SPACA7: variants seen among roughly 807,000 people sequenced by gnomAD.
SPACA7 encodes the protein sperm acrosome-associated protein 7.
Under a neutral mutation model 26.3 loss-of-function variants are expected in SPACA7, and 19 were observed. The observed-to-expected ratio is 0.72, with a 90% CI of 0.50 to 1.06. The LOEUF (loss-of-function observed/expected upper bound fraction) is 1.06, where lower values mean the gene tolerates loss of function less well. Ranked by LOEUF, SPACA7 falls within the 50% of genes least tolerant of loss-of-function variation. SPACA7 has a pLI of 0.00. For missense variants in SPACA7, 211 were observed against 229.9 expected (o/e 0.92, Z 0.53); for synonymous variants, 84 against 84.5 (o/e 0.99, Z 0.04).
At chr13:112,416,770 C>A (rs1886716720) in intron 5 of SPACA7, among the ~76,000 whole-genome samples, 1 of 151,660 alleles carries the variant, frequency 6.6e-6, no homozygotes, top group Non-Finnish European at 1.5e-5. Flanking sequence ...CCAGTCTCAC[C>A]TATGTTTCAG....
At chr13:112,408,544 C>T (rs1423322275) in intron 5 of SPACA7, among the ~76,000 whole-genome samples, 3 of 93,610 alleles carry the variant, frequency 3.2e-5, no homozygotes, top group South Asian at 5.1e-4. Flanking sequence ...AATCAATGTG[C>T]GAAAATCACA....
At chr13:112,410,317 TAACA>T (rs567892679) in intron 5 of SPACA7, among the ~76,000 whole-genome samples, 2,082 of 152,204 alleles carry the variant, frequency 0.014, 46 homozygotes, top group African/African-American at 0.048. Flanking sequence ...TGTACATATG[TAACA>T]AACCTGCATA....
chr13:112,395,895 C>G (rs906752477), intron 2 of SPACA7, among the ~76,000 whole-genome samples: 1 of 152,202 alleles, frequency 6.6e-6, no homozygotes, highest in African/African-American at 2.4e-5. Flanking sequence ...GTTCCACCTG[C>G]TGGCTTCATC....
intron 1 of SPACA7, among the ~76,000 whole-genome samples, chr13:112,392,683 C>T (rs1884970470): frequency 6.6e-6 from 1 of 152,196 alleles, no homozygotes. Context: ...TGGGTGAGCC[C>T]AGTCATCCTT....
chr13:112,388,898 TC>T (rs1884702571), intron 1 of SPACA7, among the ~76,000 whole-genome samples: 3 of 152,108 alleles, frequency 2.0e-5, no homozygotes, highest in Admixed American at 6.6e-5. Context: ...TTGCACTAAG[TC>T]AGTTCCTGGG....
chr13:112,430,043 T>C (rs1876915048), intron 5 of SPACA7, among the ~76,000 whole-genome samples: 1 of 152,220 alleles, frequency 6.6e-6, no homozygotes, highest in Admixed American at 6.5e-5. Context: ...ATTTCTGGCC[T>C]GTGTGAGCTC....
chr13:112,416,708 AGTTTT>A (rs1886713343), intron 5 of SPACA7, among the ~76,000 whole-genome samples: 1 of 151,894 alleles, frequency 6.6e-6, no homozygotes, highest in South Asian at 2.1e-4. Flanking sequence ...CCCATAGTTT[AGTTTT>A]ATCACCTCTA....
chr13:112,409,769 G>T (rs111384028), intron 5 of SPACA7, among the ~76,000 whole-genome samples: 1 of 152,190 alleles, frequency 6.6e-6, no homozygotes, highest in East Asian at 1.9e-4. Context: ...CTGTTGTTGG[G>T]ACTGTAAACT....
chr13:112,402,956 T>G (rs1359573079), intron 5 of SPACA7, among the ~76,000 whole-genome samples: 1 of 152,076 alleles, frequency 6.6e-6, no homozygotes, highest in African/African-American at 2.4e-5. Context: ...TGGTTGGGGT[T>G]TTTTTTAAAC....
chr13:112,419,281 G>A (rs1266547548), intron 5 of SPACA7, among the ~76,000 whole-genome samples: 2 of 152,194 alleles, frequency 1.3e-5, no homozygotes, highest in East Asian at 3.9e-4. Flanking sequence ...TAATAGCCAA[G>A]TGTGGGATAT....
At chr13:112,390,383 C>T (rs553312506) in intron 1 of SPACA7, among the ~76,000 whole-genome samples, 7 of 152,132 alleles carry the variant, frequency 4.6e-5, no homozygotes, top group Admixed American at 6.6e-5. Flanking sequence ...TTTCAGTAAA[C>T]GGAAGAACCT....
At chr13:112,430,788 T>C (rs1384335427) in intron 5 of SPACA7, among the ~76,000 whole-genome samples, 1 of 152,240 alleles carries the variant, frequency 6.6e-6, no homozygotes, top group Non-Finnish European at 1.5e-5. Context: ...GTTAGCATCA[T>C]ATACTCTTCC....
chr13:112,406,441 G>T lies in SPACA7; in HGVS notation c.445+5277G>T, dbSNP rs556412918. ...GTGTCAGAATTTTCTCTCTTTTTAA[G>T]GCCAAGTAATTTGGAAATTACATAT... On this transcript the variant is annotated intron_variant, in intron 5 of 6. Coordinates refer to ENST00000283550, the MANE Select transcript of SPACA7 (RefSeq NM_145248.5). Among the ~76,000 whole-genome samples, 251 of 152,168 alleles carry T rather than the reference G, an allele frequency of 1.6e-3. 1 individual carries two copies. Among genetic ancestry groups the T allele is most frequent in the African/African-American group, 5.9e-3 (245 of 41,506 alleles).
At chr13:112,382,095 G>C (rs1460295786) in intron 1 of SPACA7, among the ~76,000 whole-genome samples, 1 of 152,296 alleles carries the variant, frequency 6.6e-6, no homozygotes, top group South Asian at 2.1e-4. Flanking sequence ...CCCAAGGTTA[G>C]TTCAGCCTAC....
intron 1 of SPACA7, among the ~76,000 whole-genome samples, chr13:112,388,255 T>C (rs1278017): frequency 0.26 from 40,038 of 152,046 alleles, 6,094 homozygotes; most frequent in Non-Finnish European, 0.35. Flanking sequence ...CCTCAAAATC[T>C]TCCTGAGTGA....
intron 3 of SPACA7, 152 bp from the exon 4 acceptor site, chr13:112,398,914 C>T (rs1179866408): frequency 9.6e-6 from 6 of 626,296 alleles, no homozygotes; most frequent in African/African-American, 1.9e-5. Context: ...TCTGTTTACA[C>T]CTTCACTTAC....
chr13:112,388,200 A>G (rs1159675541), intron 1 of SPACA7, among the ~76,000 whole-genome samples: 1 of 152,222 alleles, frequency 6.6e-6, no homozygotes, highest in Non-Finnish European at 1.5e-5. Flanking sequence ...GAACTCCAAG[A>G]GTATCCCTTT....
chr13:112,396,785 T>C lies in SPACA7; in HGVS notation c.152-1264T>C, dbSNP rs562635545. ...CTAAGAGGCAGGTGGCACGCAGCTC[T>C]GGTCCGGCAGCTCCGCAATACAAGG... On this transcript the variant is annotated intron_variant, in intron 2 of 6. Coordinates refer to ENST00000283550, the MANE Select transcript of SPACA7 (RefSeq NM_145248.5). Among the ~76,000 whole-genome samples the C allele has an allele frequency of 3.9e-5, 6 of 152,304 alleles. No individual in the cohort carries two copies. In the South Asian group the frequency reaches 1.0e-3, roughly 26 times the overall value.
At chr13:112,422,833 G>T (rs1224918195) in intron 5 of SPACA7, among the ~76,000 whole-genome samples, 1 of 152,200 alleles carries the variant, frequency 6.6e-6, no homozygotes, top group African/African-American at 2.4e-5. Flanking sequence ...AAATCTGACT[G>T]ATTTTCAGTG....
Sources: allele counts gnomAD v4.1 joint callset (sites outside exome capture counted in the v4.1 genomes callset), GRCh38; gene constraint gnomAD v4.1.1; transcripts MANE v1.5; gene names NCBI Gene and HGNC (gene_info 2026-07-23, HGNC 2026-07-21).